Variants in RFX2 observed in about 807,000 individuals in gnomAD.
RFX2 encodes regulatory factor X2.
A neutral mutation model predicts 87.8 loss-of-function variants in RFX2; 20 were observed. That is an observed-to-expected ratio of 0.23 (90% CI 0.16 to 0.33). The LOEUF (loss-of-function observed/expected upper bound fraction) is 0.33. RFX2 is among the 10% of genes least tolerant of loss of function. RFX2 has a pLI of 1.00. For missense variants in RFX2, 767 were observed against 1,012.3 expected, an observed-to-expected ratio of 0.76 and a Z score of 3.29; for synonymous variants, 397 against 431.3, an observed-to-expected ratio of 0.92 and a Z score of 0.98.
chr19:6,059,294 A>T (rs574653954), intron 1 of RFX2, among the ~76,000 whole-genome samples: 1 of 152,120 alleles, frequency 6.6e-6, no homozygotes, highest in African/African-American at 2.4e-5. Flanking sequence ...TTTGACTATT[A>T]ATATAAAAAT....
intron 5 of RFX2, among the ~76,000 whole-genome samples, chr19:6,030,512 T>C (rs1167901869): frequency 1.3e-5 from 2 of 152,184 alleles, no homozygotes; most frequent in Non-Finnish European, 2.9e-5. Flanking sequence ...AGACTATATA[T>C]TATATAATTC....
chr19:6,042,804 C>T (rs927689918), intron 3 of RFX2, among the ~76,000 whole-genome samples: 1 of 152,226 alleles, frequency 6.6e-6, no homozygotes, highest in Admixed American at 6.5e-5. Flanking sequence ...TGACAGGCCC[C>T]GAGGGACTCT....
At position 5,994,491 on chromosome 19, in the gene RFX2, C is replaced by A; in HGVS notation, c.*344G>T. 3.7e-6 allele frequency: 1 copy of A among 271,738 alleles called. No individual in the cohort carries two copies. Among genetic ancestry groups the A allele is most frequent in the Non-Finnish European group, 7.1e-6 (1 of 141,208 alleles). The allele number at this position is 271,738 out of a possible 1,614,324, so 16.8% of individuals were successfully genotyped here. A position where few individuals can be genotyped will look rare whatever the true frequency, so the allele number is the denominator to read the frequency against. ...TGAGTGCAGAGGCCAGTGCTCTCAG[C>A]ACAGCCCTTTCAGCTCTTAAAGGGA... On this transcript the variant is annotated 3_prime_UTR_variant, in exon 18 of 18. Transcript: ENST00000303657.
intron 1 of RFX2, among the ~76,000 whole-genome samples, chr19:6,058,102 G>A (rs764145839): frequency 2.6e-5 from 4 of 152,178 alleles, no homozygotes; most frequent in Non-Finnish European, 5.9e-5. Context: ...TTATTACTCT[G>A]CCCTGATAAT....
At chr19:6,079,034 C>G (rs2087738160) in intron 1 of RFX2, among the ~76,000 whole-genome samples, 1 of 152,238 alleles carries the variant, frequency 6.6e-6, no homozygotes, top group Non-Finnish European at 1.5e-5. Context: ...CCTCGGCCTC[C>G]CAAAGTGCTG....
intron 1 of RFX2, among the ~76,000 whole-genome samples, chr19:6,098,072 A>G (rs1394308002): frequency 1.3e-5 from 2 of 152,176 alleles, no homozygotes; most frequent in African/African-American, 4.8e-5. Context: ...ATCACACAGC[A>G]TTGAACATTC....
Position 6,001,821 on chromosome 19 carries a change from A to C in RFX2, c.1853T>G (p.Phe618Cys). The C allele has an allele frequency of 6.2e-7, 1 of 1,608,096 alleles. No individual in the cohort carries two copies. Among genetic ancestry groups the C allele is most frequent in the Non-Finnish European group, 8.5e-7 (1 of 1,176,708 alleles). The change falls in exon 15 of 18, where the codon TTT becomes TGT. Residue 618 changes from phenylalanine to cysteine, a missense_variant. Phe to Cys is a radical substitution (Grantham distance 205). Transcript: ENST00000303657. The surrounding 1 kb of genome is among the most constrained non-coding windows in gnomAD (Gnocchi z 5.6). ...GAGGTCTGGTGGGACTAACCTGTAA[A>C]AGGACCATTTCAGCAAGAACTGCCG... ...AARQFLLKWS[F>C]YSSMVIRDLT... is the part of the protein sequence containing the mutation.
At position 6,061,745 on chromosome 19, in the gene RFX2, G is replaced by A. The variant is rs1425516730; in HGVS notation, c.-8-14241C>T. 6.6e-6 allele frequency among the ~76,000 whole-genome samples: 1 copy of A among 152,210 alleles called. No individual in the cohort carries two copies. The highest frequency in any genetic ancestry group is 1.5e-5 in the Non-Finnish European group (1 of 68,034). On this transcript the variant is annotated intron_variant, in intron 1 of 17. Transcript: ENST00000303657. The surrounding 1 kb of genome is among the most constrained non-coding windows in gnomAD (Gnocchi z 5.2). ...AGCAGAGGGAGGAGGCCAGGCTTCAGGTTCAAGTCCCAGGCTTGTCACTCG... is the reference window on the plus strand; with the variant it reads ...AGCAGAGGGAGGAGGCCAGGCTTCAAGTTCAAGTCCCAGGCTTGTCACTCG...
intron 1 of RFX2, among the ~76,000 whole-genome samples, chr19:6,094,117 A>G (rs539276960): frequency 6.6e-6 from 1 of 152,298 alleles, no homozygotes; most frequent in East Asian, 1.9e-4. Flanking sequence ...AAAAAACACT[A>G]AAGAATTCGT....
In RFX2 at chr19:6,013,297, T is replaced by C. The variant is rs2086683625; in HGVS notation, c.780-192A>G. Among the ~76,000 whole-genome samples, 1 of 152,070 alleles carries C rather than the reference T, an allele frequency of 6.6e-6. No individual in the cohort carries two copies. The highest frequency in any genetic ancestry group is 2.1e-4 in the South Asian group (1 of 4,832). ...GCCTCCCGGGTTTAAGAGATTCTCC[T>C]GCCTCAGCCTCCCAAGTAGCTGGGA... On this transcript the variant is annotated intron_variant, in intron 7 of 17. Coordinates refer to ENST00000303657, the MANE Select transcript of RFX2 (RefSeq NM_000635.4). This position sits in a 1 kb window ranked among gnomAD's most constrained non-coding sequence, Gnocchi z 4.1.
Position 6,010,560 on chromosome 19 carries a change from CT to C in RFX2, c.900-310del, listed in dbSNP as rs2086647940. On this transcript the variant is annotated intron_variant, in intron 8 of 17. Transcript: ENST00000303657. The surrounding 1 kb of genome is among the most constrained non-coding windows in gnomAD (Gnocchi z 5.0). ...TCCCTGTCCCCAGCCCCTGGCACCC[CT>C]GATCTGACTTCCCGTCTCTGTGAAT... Among the ~76,000 whole-genome samples, 2 of 152,266 alleles carry C rather than the reference CT, an allele frequency of 1.3e-5. No homozygotes were observed. The highest frequency in any genetic ancestry group is 3.4e-3 in the Middle Eastern group (1 of 294).
At position 5,998,439 on chromosome 19, in the gene RFX2, G is replaced by A. The variant is rs544392854; in HGVS notation, c.1860-1226C>T. Among the ~76,000 whole-genome samples, 2 of 152,182 alleles carry A rather than the reference G, an allele frequency of 1.3e-5. No homozygotes were observed. Among genetic ancestry groups the A allele is most frequent in the South Asian group, 2.1e-4 (1 of 4,832 alleles). ...CCCCAATGCCCAACTGCCCCGGCTC[G>A]AAGTATACTTTCATAAACTCTGTTA... On this transcript the variant is annotated intron_variant, in intron 15 of 17. Transcript: ENST00000303657. This position sits in a 1 kb window ranked among gnomAD's most constrained non-coding sequence, Gnocchi z 4.2.
rs957306131 is a variant in RFX2, at chr19:6,054,857, T to C, written c.-8-7353A>G. On this transcript the variant is annotated intron_variant, in intron 1 of 17. Coordinates refer to ENST00000303657, the MANE Select transcript of RFX2 (RefSeq NM_000635.4). ...AGCATAAAAGAAAAACTTGAGAAAT[T>C]AGATTTCACCAAAATTTAAAACCTC... Among the ~76,000 whole-genome samples, 7 of 152,294 alleles carry C rather than the reference T, an allele frequency of 4.6e-5. No individual in the cohort carries two copies. In the South Asian group the frequency reaches 1.4e-3, roughly 32 times the overall value.
At chr19:6,106,577 T>C (rs760335066) in intron 1 of RFX2, among the ~76,000 whole-genome samples, 73 of 152,222 alleles carry the variant, frequency 4.8e-4, no homozygotes, top group Non-Finnish European at 8.4e-4. Flanking sequence ...AGTTCAGAAA[T>C]ACGGCTGTGT....
chr19:6,041,458 A>G (rs2087105291), intron 4 of RFX2, among the ~76,000 whole-genome samples: 1 of 152,022 alleles, frequency 6.6e-6, no homozygotes, highest in African/African-American at 2.4e-5. Flanking sequence ...AGAGCAGAAA[A>G]CTCTAGACAT....
At chr19:6,070,346 C>T (rs1021201066) in intron 1 of RFX2, among the ~76,000 whole-genome samples, 14 of 150,504 alleles carry the variant, frequency 9.3e-5, no homozygotes, top group Non-Finnish European at 1.8e-4. Flanking sequence ...GACAGAGTGT[C>T]CACCCTGGAA....
At chr19:6,048,781 A>G (rs2087231080) in intron 1 of RFX2, among the ~76,000 whole-genome samples, 2 of 152,232 alleles carry the variant, frequency 1.3e-5, no homozygotes, top group Non-Finnish European at 1.5e-5. Flanking sequence ...ACCTAAGGAA[A>G]GCAGAAAGGG....
rs2086442681 is a variant in RFX2, at chr19:5,998,125, T to C, written c.1860-912A>G. ...GAGTTCTAGACCAGCCTGGCCAACA[T>C]GGTGAAACGCCATCTCTACTAAGAA... On this transcript the variant is annotated intron_variant, in intron 15 of 17. Coordinates refer to ENST00000303657, the MANE Select transcript of RFX2 (RefSeq NM_000635.4). This position sits in a 1 kb window ranked among gnomAD's most constrained non-coding sequence, Gnocchi z 4.2. 6.6e-6 allele frequency among the ~76,000 whole-genome samples: 1 copy of C among 152,102 alleles called. No homozygotes were observed. Among genetic ancestry groups the C allele is most frequent in the South Asian group, 2.1e-4 (1 of 4,832 alleles).
intron 17 of RFX2, among the ~76,000 whole-genome samples, chr19:5,995,239 G>C (rs1353891997): frequency 6.6e-6 from 1 of 152,186 alleles, no homozygotes; most frequent in Non-Finnish European, 1.5e-5. Context: ...GGGCCTCTGG[G>C]GTCCTCCCAC....
Sources: gnomAD v4.1 joint callset for allele counts (sites outside exome capture counted in the v4.1 genomes callset) on GRCh38, gnomAD v4.1.1 for gene constraint, Gnocchi (gnomAD v3.1) non-coding constraint, MANE v1.5 for transcripts, NCBI Gene and HGNC (gene_info 2026-07-23, HGNC 2026-07-21) for gene names.